The following IKBKB-DT variants were observed in gnomAD, a reference collection of about 807,000 sequenced individuals.
IKBKB-DT encodes IKBKB antisense RNA.
intron 3 of IKBKB-DT, among the ~76,000 whole-genome samples, chr8:42,234,379 T>C (rs180975082): frequency 1.1e-3 from 170 of 152,308 alleles, no homozygotes; most frequent in African/African-American, 3.8e-3. Flanking sequence ...ATGACAAAAT[T>C]CTTAAAATGG....
In IKBKB-DT at chr8:42,252,050, G is replaced by A. The variant is rs73622106; in HGVS notation, n.1529+11279C>T. Among the ~76,000 whole-genome samples, 1,209 of 152,236 alleles carry A rather than the reference G, an allele frequency of 7.9e-3. 20 individuals are homozygous for A. The highest frequency in any genetic ancestry group is 0.028 in the African/African-American group (1,144 of 41,530). On this transcript the variant is annotated intron_variant and non_coding_transcript_variant, in intron 3 of 3. Coordinates refer to ENST00000518213, the Ensembl canonical transcript of IKBKB-DT. ...TGAATGCTGGCTGCTGCGCCAATAG[G>A]AAAAGGCTACCTGGAGGCCAGGCAT...
At chr8:42,261,278 T>C (rs1658664703) in intron 3 of IKBKB-DT, among the ~76,000 whole-genome samples, 1 of 151,980 alleles carries the variant, frequency 6.6e-6, no homozygotes, top group African/African-American at 2.4e-5. Flanking sequence ...CAGTGAGCCA[T>C]GATCACGCAA....
At chr8:42,267,824 T>A (rs944392233) in intron 1 of IKBKB-DT, among the ~76,000 whole-genome samples, 1 of 152,120 alleles carries the variant, frequency 6.6e-6, no homozygotes, top group African/African-American at 2.4e-5. Context: ...ATAAATATCT[T>A]GGAATATGAT....
At chr8:42,271,042 C>T (rs1383530185) in exon 1 of IKBKB-DT, 2 of 245,168 alleles carry the variant, frequency 8.2e-6, no homozygotes, top group Non-Finnish European at 1.6e-5. Flanking sequence ...CATACCCGGG[C>T]CCAGAAACCG....
At chr8:42,265,471 G>C (rs1807357137) in intron 2 of IKBKB-DT, 1 of 152,332 alleles carries the variant, frequency 6.6e-6, no homozygotes, top group African/African-American at 2.4e-5. Flanking sequence ...GGGACAGGCA[G>C]GTAGGAGGGC....
chr8:42,263,822 G>GT (rs1350652667), intron 2 of IKBKB-DT, among the ~76,000 whole-genome samples: 2 of 152,082 alleles, frequency 1.3e-5, no homozygotes, highest in African/African-American at 2.4e-5. Flanking sequence ...TTTTTTGTTT[G>GT]TTTTTTGAGA....
intron 3 of IKBKB-DT, among the ~76,000 whole-genome samples, chr8:42,253,384 A>T (rs756549928): frequency 5.9e-5 from 9 of 152,188 alleles, no homozygotes; most frequent in African/African-American, 1.7e-4. Flanking sequence ...TGGATCATCA[A>T]TCAAAGAGTC....
chr8:42,234,849 C>T (rs756177111), intron 3 of IKBKB-DT, among the ~76,000 whole-genome samples: 2 of 152,146 alleles, frequency 1.3e-5, no homozygotes, highest in African/African-American at 2.4e-5. Flanking sequence ...AGGCTGGTCT[C>T]GAACTCCTGA....
At chr8:42,267,716 T>C (rs1807394039) in intron 1 of IKBKB-DT, among the ~76,000 whole-genome samples, 1 of 152,176 alleles carries the variant, frequency 6.6e-6, no homozygotes, top group Admixed American at 6.5e-5. Context: ...ATATCTTTTG[T>C]AAACAGTCTG....
chr8:42,250,178 G>A (rs1305487389), intron 3 of IKBKB-DT, among the ~76,000 whole-genome samples: 1 of 152,108 alleles, frequency 6.6e-6, no homozygotes, highest in Non-Finnish European at 1.5e-5. Flanking sequence ...GGGTGACTAG[G>A]TAATGATTGC....
intron 3 of IKBKB-DT, among the ~76,000 whole-genome samples, chr8:42,255,080 A>C (rs1184414847): frequency 7.0e-6 from 1 of 142,592 alleles, no homozygotes; most frequent in Non-Finnish European, 1.5e-5. Flanking sequence ...GCCGCTGCCC[A>C]GCTGCCCCAC....
intron 3 of IKBKB-DT, among the ~76,000 whole-genome samples, chr8:42,241,985 G>A (rs778883842): frequency 6.6e-6 from 1 of 152,088 alleles, no homozygotes; most frequent in Non-Finnish European, 1.5e-5. Flanking sequence ...AGGCCGAAGC[G>A]GGCGGATCAC....
At chr8:42,256,510 G>A (rs1807202677) in intron 3 of IKBKB-DT, among the ~76,000 whole-genome samples, 1 of 151,776 alleles carries the variant, frequency 6.6e-6, no homozygotes. Flanking sequence ...AGGCAGAGGT[G>A]GCAGTGAGCC....
intron 3 of IKBKB-DT, among the ~76,000 whole-genome samples, chr8:42,254,218 A>G (rs1414075617): frequency 6.6e-6 from 1 of 152,258 alleles, no homozygotes; most frequent in Non-Finnish European, 1.5e-5. Flanking sequence ...TTACAGGTGC[A>G]TAATAGTTTT....
intron 3 of IKBKB-DT, among the ~76,000 whole-genome samples, chr8:42,247,331 G>A (rs117970350): frequency 0.015 from 2,288 of 152,214 alleles, 45 homozygotes; most frequent in Middle Eastern, 0.037. Flanking sequence ...TAGGACCAGT[G>A]GCCCCTTGGT....
At chr8:42,246,792 C>T (rs970602328) in intron 3 of IKBKB-DT, among the ~76,000 whole-genome samples, 1 of 152,130 alleles carries the variant, frequency 6.6e-6, no homozygotes, top group Admixed American at 6.5e-5. Context: ...CTAAACTTTT[C>T]GGCACCAGGG....
chr8:42,237,608 A>G (rs917529444), intron 3 of IKBKB-DT, among the ~76,000 whole-genome samples: 3 of 152,092 alleles, frequency 2.0e-5, no homozygotes, highest in South Asian at 2.1e-4. Context: ...AACGTCGAAG[A>G]AAAAATTCTG....
chr8:42,262,205 C>T (rs983177831), intron 3 of IKBKB-DT, among the ~76,000 whole-genome samples: 21 of 151,550 alleles, frequency 1.4e-4, no homozygotes, highest in South Asian at 2.1e-4. Flanking sequence ...GTGGGTGCAG[C>T]GCACCAGCAT....
intron 3 of IKBKB-DT, among the ~76,000 whole-genome samples, chr8:42,260,775 T>C (rs1807275844): frequency 6.6e-6 from 1 of 152,114 alleles, no homozygotes. Context: ...ATTTGAATAG[T>C]TTTTTTCCTT....
Sources: gnomAD v4.1 joint callset for allele counts (sites outside exome capture counted in the v4.1 genomes callset) on GRCh38, gnomAD v4.1.1 for gene constraint, MANE v1.5 for transcripts, NCBI Gene and HGNC (gene_info 2026-07-23, HGNC 2026-07-21) for gene names.